The following KCTD8 variants were observed in gnomAD, a reference collection of about 807,000 sequenced individuals.
KCTD8 encodes BTB/POZ domain-containing protein KCTD8.
In KCTD8, 27 loss-of-function variants were observed where a neutral mutation model predicts 31.5. The ratio of observed to expected loss-of-function variants is 0.86; its 90% CI spans 0.63 to 1.18. KCTD8 has a LOEUF of 1.18. Among genes scored for constraint, KCTD8 ranks in the 50% most tolerant of loss-of-function variants. The pLI, the probability that KCTD8 is intolerant of heterozygous loss-of-function variation, is 0.00. For missense variants in KCTD8, 658 were observed against 647.7 expected (o/e 1.02, Z -0.17); for synonymous variants, 290 against 280.0 (o/e 1.04, Z -0.36).
intron 1 of KCTD8, among the ~76,000 whole-genome samples, chr4:44,366,765 C>T (rs914274551): frequency 2.0e-5 from 3 of 152,124 alleles, no homozygotes; most frequent in Non-Finnish European, 4.4e-5. Flanking sequence ...CCTCATTAAG[C>T]AACACAGTCT....
chr4:44,292,992 C>G (rs1438801633), intron 1 of KCTD8, among the ~76,000 whole-genome samples: 1 of 152,054 alleles, frequency 6.6e-6, no homozygotes, highest in Non-Finnish European at 1.5e-5. Context: ...TCCTTGTAAA[C>G]AAATTTCTAC....
chr4:44,395,647 C>T (rs1266338538), intron 1 of KCTD8, among the ~76,000 whole-genome samples: 1 of 152,120 alleles, frequency 6.6e-6, no homozygotes, highest in Non-Finnish European at 1.5e-5. Flanking sequence ...GTGACTCTCT[C>T]TTGATTATGC....
chr4:44,395,371 G>T (rs930631590), intron 1 of KCTD8, among the ~76,000 whole-genome samples: 1 of 152,124 alleles, frequency 6.6e-6, no homozygotes, highest in Non-Finnish European at 1.5e-5. Context: ...CCTGAAATAG[G>T]GTGTAGGCCA....
chr4:44,233,805 T>TG (rs1715195130), intron 1 of KCTD8, among the ~76,000 whole-genome samples: 1 of 152,042 alleles, frequency 6.6e-6, no homozygotes, highest in Non-Finnish European at 1.5e-5. Flanking sequence ...TTCCTAAGAA[T>TG]TTTTTTTAAA....
chr4:44,263,897 A>G (rs1340964774), intron 1 of KCTD8, among the ~76,000 whole-genome samples: 1 of 152,194 alleles, frequency 6.6e-6, no homozygotes, highest in Admixed American at 6.5e-5. Context: ...TCCTGCAGGT[A>G]TGACATAAAT....
intron 1 of KCTD8, among the ~76,000 whole-genome samples, chr4:44,246,616 C>T (rs1320625760): frequency 6.6e-6 from 1 of 151,998 alleles, no homozygotes; most frequent in African/African-American, 2.4e-5. Context: ...TTCTCTTTCT[C>T]AATTTTCCTT....
chr4:44,447,727 G>C lies in KCTD8; in HGVS notation c.797C>G (p.Thr266Arg). The change falls in exon 1 of 2, where the codon ACG (threonine) becomes AGG (arginine). Residue 266 changes from threonine (T) to arginine (R), a missense_variant. Coordinates refer to ENST00000360029, the MANE Select transcript of KCTD8 (RefSeq NM_198353.3). The part of the protein sequence containing the change: ...RDPDRQPEKY[T>R]SRFYLKFTYL... ...GGTGAACTTGAGGTAGAAGCGGGAC[G>C]TGTACTTCTCCGGCTGCCGGTCGGG... 3.1e-6 allele frequency: 5 copies of C among 1,612,682 alleles called. No homozygotes were observed. Among genetic ancestry groups the C allele is most frequent in the Non-Finnish European group, 4.2e-6 (5 of 1,179,518 alleles).
chr4:44,299,692 C>T (rs988580211), intron 1 of KCTD8, among the ~76,000 whole-genome samples: 1 of 150,866 alleles, frequency 6.6e-6, no homozygotes, highest in Non-Finnish European at 1.5e-5. Context: ...CGCGCCACTG[C>T]ACTCCAACCT....
chr4:44,245,796 T>C (rs1253056923), intron 1 of KCTD8, among the ~76,000 whole-genome samples: 2 of 151,990 alleles, frequency 1.3e-5, no homozygotes, highest in Non-Finnish European at 2.9e-5. Context: ...CTAACTCTTA[T>C]GAAACATTCT....
At chr4:44,387,205 C>T (rs767137893) in intron 1 of KCTD8, among the ~76,000 whole-genome samples, 4 of 151,424 alleles carry the variant, frequency 2.6e-5, no homozygotes, top group South Asian at 4.2e-4. Flanking sequence ...TACAAACCAT[C>T]GCTCAAAGAA....
At chr4:44,327,426 A>G (rs1367375997) in intron 1 of KCTD8, among the ~76,000 whole-genome samples, 2 of 151,826 alleles carry the variant, frequency 1.3e-5, no homozygotes, top group African/African-American at 4.8e-5. Context: ...TGGCAAATGA[A>G]ACATTTCTAA....
At position 44,284,536 on chromosome 4, in the gene KCTD8, C is replaced by G. The variant is rs542543708; in HGVS notation, c.962-109286G>C. On this transcript the variant is annotated intron_variant, in intron 1 of 1. Transcript: ENST00000360029. ...CAAAAATCCTAGAAGAAAACCTGGG[C>G]AATACCATTCAGGATGTAGGCATGG... Among the ~76,000 whole-genome samples the G allele has an allele frequency of 3.3e-5, 5 of 152,214 alleles. No homozygotes were observed. In the East Asian group the frequency reaches 9.7e-4, roughly 29 times the overall value.
At chr4:44,267,953 C>A (rs1055860138) in intron 1 of KCTD8, among the ~76,000 whole-genome samples, 10 of 152,146 alleles carry the variant, frequency 6.6e-5, no homozygotes, top group Non-Finnish European at 1.3e-4. Context: ...CAGCAGAATT[C>A]CACCAGAGGT....
At chr4:44,337,913 A>G (rs1718799481) in intron 1 of KCTD8, among the ~76,000 whole-genome samples, 1 of 151,954 alleles carries the variant, frequency 6.6e-6, no homozygotes, top group African/African-American at 2.4e-5. Context: ...TTTCTTTATT[A>G]CAATATATGC....
chr4:44,335,400 C>A (rs1363616315), intron 1 of KCTD8, among the ~76,000 whole-genome samples: 1 of 151,528 alleles, frequency 6.6e-6, no homozygotes, highest in East Asian at 1.9e-4. Flanking sequence ...CACCAAACCC[C>A]GAGACACACA....
At chr4:44,357,492 T>G (rs1367377907) in intron 1 of KCTD8, among the ~76,000 whole-genome samples, 2 of 152,262 alleles carry the variant, frequency 1.3e-5, no homozygotes, top group Admixed American at 6.5e-5. Context: ...AAATCTAAAG[T>G]GTATTATAAG....
At chr4:44,389,153 G>GT (rs1720303679) in intron 1 of KCTD8, among the ~76,000 whole-genome samples, 1 of 151,380 alleles carries the variant, frequency 6.6e-6, no homozygotes, top group South Asian at 2.1e-4. Flanking sequence ...TTGTAAGGAG[G>GT]TAAGGATGGT....
At chr4:44,181,970 C>T (rs1250303078) in intron 1 of KCTD8, among the ~76,000 whole-genome samples, 13 of 150,410 alleles carry the variant, frequency 8.6e-5, no homozygotes, top group East Asian at 4.0e-4. Flanking sequence ...GGAGCCCCTC[C>T]GCCCGGCAGC....
At chr4:44,250,308 G>T (rs1288973608) in intron 1 of KCTD8, among the ~76,000 whole-genome samples, 1 of 151,736 alleles carries the variant, frequency 6.6e-6, no homozygotes, top group Non-Finnish European at 1.5e-5. Context: ...ATCTGAGTTA[G>T]TGATTTTTTC....
Sources: allele counts gnomAD v4.1 joint callset (sites outside exome capture counted in the v4.1 genomes callset), GRCh38; gene constraint gnomAD v4.1.1; transcripts MANE v1.5; gene names NCBI Gene and HGNC (gene_info 2026-07-23, HGNC 2026-07-21).